Variants in RAD21 observed in about 807,000 individuals in gnomAD.
The protein encoded by RAD21 is RAD21 cohesin complex component, also known as double-strand-break repair protein rad21 homolog.
A neutral mutation model predicts 71.5 loss-of-function variants in RAD21; 18 were observed. The ratio of observed to expected loss-of-function variants is 0.25; its 90% confidence interval spans 0.17 to 0.37. The LOEUF (loss-of-function observed/expected upper bound fraction) is 0.37. Among genes scored for constraint, RAD21 ranks in the 10% least tolerant of loss-of-function variants. The pLI is 1.00. For missense variants in RAD21, 493 were observed against 769.1 expected (o/e 0.64, Z 4.25); for synonymous variants, 248 against 254.0 (o/e 0.98, Z 0.22).
At chr8:116,863,292 C>T (rs372478233) in intron 2 of RAD21, 33 bp from the exon 3 acceptor site, 2 of 1,587,974 alleles carry the variant, frequency 1.3e-6, no homozygotes, top group Non-Finnish European at 8.6e-7. Flanking sequence ...ATTCCAAAAC[C>T]TGCATTTCGT....
In RAD21 at chr8:116,854,187, CT is replaced by C. The variant is rs201090747; in HGVS notation, c.1161+57del. The C allele has an allele frequency of 8.5e-3, 9,604 of 1,129,074 alleles. 2 individuals carry two copies. The highest frequency in any genetic ancestry group is 9.9e-3 in the South Asian group (600 of 60,358). The allele number at this position is 1,129,074 out of a possible 1,614,324, so 69.9% of individuals were successfully genotyped here. A position where few individuals can be genotyped will look rare whatever the true frequency, so the allele number is the denominator to read the frequency against. On this transcript the variant is annotated intron_variant, in intron 9 of 13. Coordinates refer to ENST00000297338, the MANE Select transcript of RAD21 (RefSeq NM_006265.3). ...AAAAATGATTCAAAGGTTTTAGAAT[CT>C]TTTTTTTTTAGATGCTCAAAATGTA...
At position 116,866,747 on chromosome 8, in the gene RAD21, A is replaced by C. The variant is rs1387710396; in HGVS notation, c.-18T>G. The C allele has an allele frequency of 6.3e-7, 1 of 1,577,688 alleles. No individual in the cohort carries two copies. Among genetic ancestry groups the C allele is most frequent in the South Asian group, 1.2e-5 (1 of 84,190 alleles). ...TAGAACATTGTTCTGGCTGGCTATGAAAACAGAAGAAAACCTAAGAGGGGA... is the reference window on the plus strand; with the variant it reads ...TAGAACATTGTTCTGGCTGGCTATGCAAACAGAAGAAAACCTAAGAGGGGA... On this transcript the variant is annotated 5_prime_UTR_variant, in exon 2 of 14. Coordinates refer to ENST00000297338, the MANE Select transcript of RAD21 (RefSeq NM_006265.3).
At position 116,847,291 on chromosome 8, in the gene RAD21, T is replaced by C. The variant is rs1293930844; in HGVS notation, c.*209A>G. On this transcript the variant is annotated 3_prime_UTR_variant, in exon 14 of 14. Coordinates refer to ENST00000297338, the MANE Select transcript of RAD21 (RefSeq NM_006265.3). ...AGTCCTTGGGGTGCTGTTTTCTCCA[T>C]CAGAACACAAACACAACCCATCTAA... is the stretch of plus-strand genomic sequence containing the variant. 2.1e-6 allele frequency: 1 copy of C among 479,658 alleles called. No individual in the cohort carries two copies. The highest frequency in any genetic ancestry group is 3.7e-6 in the Non-Finnish European group (1 of 272,524). 29.7% of individuals were successfully genotyped at this position (479,658 alleles called of 1,614,324 possible).
intron 12 of RAD21, among the ~76,000 whole-genome samples, chr8:116,849,971 T>C (rs1040971693): frequency 3.9e-5 from 6 of 152,116 alleles, no homozygotes; most frequent in Non-Finnish European, 2.9e-5. Flanking sequence ...ACATATCCGA[T>C]AGAGTATCAA....
intron 2 of RAD21, among the ~76,000 whole-genome samples, chr8:116,864,866 A>C (rs1812660671): frequency 1.3e-5 from 2 of 152,124 alleles, no homozygotes; most frequent in Admixed American, 6.5e-5. Flanking sequence ...TATAATAAAG[A>C]TTCCAGGCTA....
Position 116,866,569 on chromosome 8 carries a change from G to A in RAD21, c.144+17C>T. 1.3e-6 allele frequency: 2 copies of A among 1,586,186 alleles called. No homozygotes were observed. The highest frequency in any genetic ancestry group is 1.7e-6 in the Non-Finnish European group (2 of 1,167,706). On this transcript the variant is annotated intron_variant, in intron 2 of 13. Transcript: ENST00000297338. ...AACAATCAACAAAGTGAATAAAAAT[G>A]TCAACATCAAACATACCTTTGGTGA...
intron 4 of RAD21, among the ~76,000 whole-genome samples, chr8:116,859,742 C>T (rs1174812078): frequency 1.3e-5 from 2 of 152,026 alleles, no homozygotes; most frequent in Non-Finnish European, 2.9e-5. Flanking sequence ...ATTAATAACC[C>T]TACAATGGCT....
At chr8:116,868,897 G>A (rs1000986494) in intron 1 of RAD21, among the ~76,000 whole-genome samples, 3 of 149,016 alleles carry the variant, frequency 2.0e-5, no homozygotes, top group Non-Finnish European at 3.0e-5. Context: ...GATTAAATAC[G>A]ATCTGAAGAC....
At chr8:116,856,826 ACAGC>A in intron 6 of RAD21, 55 bp from the exon 7 acceptor site, 1 of 1,321,854 alleles carries the variant, frequency 7.6e-7, no homozygotes, top group Non-Finnish European at 1.0e-6. Context: ...CCAAACCACA[ACAGC>A]CAATCAATGG....
chr8:116,852,632 A>C lies in RAD21; in HGVS notation c.1238T>G (p.Leu413Trp), dbSNP rs1812375665. 1 of 1,613,580 alleles carries C rather than the reference A, an allele frequency of 6.2e-7. No homozygotes were observed. The highest frequency in any genetic ancestry group is 8.5e-7 in the Non-Finnish European group (1 of 1,179,670). The change falls in exon 10 of 14, where the codon TTG becomes TGG. Residue 413 changes from leucine (L) to tryptophan (W), a missense_variant. Leu to Trp is a moderately conservative substitution (Grantham distance 61). Around this residue, in one of 5 missense-constraint regions of RAD21, gnomAD observed 225 missense variants for 218.3 expected, o/e 1.03. Transcript: ENST00000297338. ...TTCAAATTCTTTGAGGAATTCATCC[A>C]AATTATCTGCCTCTCCTCCTTTCCT... is the stretch of plus-strand genomic sequence containing the variant. ...KRRKGGEADN[L>W]DEFLKEFENP...
chr8:116,856,145 T>G (rs1356794882), intron 8 of RAD21, 21 bp downstream of exon 8: 1 of 1,605,564 alleles, frequency 6.2e-7, no homozygotes, highest in Non-Finnish European at 8.5e-7. Flanking sequence ...GCTGTATAAA[T>G]CTAAAGGTTC....
intron 2 of RAD21, 108 bp downstream of exon 2, chr8:116,866,478 T>C: frequency 1.1e-6 from 1 of 945,578 alleles, no homozygotes; most frequent in African/African-American, 1.7e-5. Flanking sequence ...TTCTAAGGAT[T>C]TTCCTTGCAC....
chr8:116,857,388 A>G lies in RAD21; in HGVS notation c.567T>C (p.Ser189=), dbSNP rs149913552. 3.0e-5 allele frequency: 49 copies of G among 1,613,194 alleles called. No individual in the cohort carries two copies. Among genetic ancestry groups the G allele is most frequent in the Non-Finnish European group, 4.2e-5 (49 of 1,179,654 alleles). ...TCTGTTCAGACTCTAATAGGAGGTT[A>G]GAAGTAGTAGTGCTTACTAACATGT... The part of the protein sequence containing the change: ...DDDMLVSTTT[S]NLLLESEQST... Residue 189 remains serine (S), a synonymous_variant, in exon 6 of 14, where the codon TCT becomes TCC. Transcript: ENST00000297338.
At chr8:116,855,034 T>C (rs1812433261) in intron 8 of RAD21, among the ~76,000 whole-genome samples, 1 of 152,116 alleles carries the variant, frequency 6.6e-6, no homozygotes, top group Non-Finnish European at 1.5e-5. Flanking sequence ...GTAGGTTGTA[T>C]TGCCTCACTT....
rs1445148501 is a variant in RAD21, at chr8:116,852,018, G to A, written c.1400C>T (p.Ala467Val). The change falls in exon 11 of 14, where the codon GCT becomes GTT. Residue 467 changes from alanine to valine, a missense_variant. Ala to Val is a moderately conservative substitution (Grantham distance 64). Coordinates refer to ENST00000297338, the MANE Select transcript of RAD21 (RefSeq NM_006265.3). ...TCCCTGAGGTGGTGGTGGAGGCATA[G>A]CTGACTCATCTATGTTTGTTCTGCT... ...EASRTNIDESAMPPPPPQGVK... is the reference protein window; with the variant it reads ...EASRTNIDESVMPPPPPQGVK... 4 of 1,613,254 alleles carry A rather than the reference G, an allele frequency of 2.5e-6. No homozygotes were observed.
At chr8:116,865,402 G>A (rs966984720) in intron 2 of RAD21, among the ~76,000 whole-genome samples, 3 of 151,252 alleles carry the variant, frequency 2.0e-5, no homozygotes, top group Non-Finnish European at 4.4e-5. Context: ...CGATTTCTAC[G>A]TTTTCCATTA....
At chr8:116,848,346 T>C (rs1295728803) in intron 13 of RAD21, among the ~76,000 whole-genome samples, 2 of 152,218 alleles carry the variant, frequency 1.3e-5, no homozygotes, top group East Asian at 3.8e-4. Context: ...TGTTCTGACA[T>C]GTATTATTAA....
At chr8:116,871,884 C>T (rs991731181) in intron 1 of RAD21, among the ~76,000 whole-genome samples, 1 of 152,176 alleles carries the variant, frequency 6.6e-6, no homozygotes, top group Non-Finnish European at 1.5e-5. Context: ...AGAATCCACA[C>T]TTCTAACTAC....
intron 1 of RAD21, among the ~76,000 whole-genome samples, chr8:116,868,104 G>C (rs530481803): frequency 4.6e-5 from 7 of 152,260 alleles, no homozygotes; most frequent in African/African-American, 1.7e-4. Flanking sequence ...GTGCAGTGAT[G>C]TGATCACAGC....
Sources: gnomAD v4.1 joint callset for allele counts (sites outside exome capture counted in the v4.1 genomes callset) on GRCh38, gnomAD v4.1.1 for gene constraint, gnomAD v4.1.1 regional missense constraint, MANE v1.5 for transcripts, NCBI Gene and HGNC (gene_info 2026-07-23, HGNC 2026-07-21) for gene names.